The following PKD2 variants were observed in gnomAD, a reference collection of about 807,000 sequenced individuals.
PKD2 encodes polycystin 2, transient receptor potential cation channel, also known as polycystin-2.
In PKD2, 48 loss-of-function variants were observed where a neutral mutation model predicts 105.9. That is an observed-to-expected ratio of 0.45 (90% confidence interval 0.36 to 0.58). PKD2 has a LOEUF of 0.58. PKD2 is among the 20% of genes least tolerant of loss of function. The pLI is 0.00. For synonymous variants in PKD2, 464 were observed against 481.1 expected, an observed-to-expected ratio of 0.96 and a Z score of 0.46; for missense variants, 1,078 against 1,255.3, an observed-to-expected ratio of 0.86 and a Z score of 2.13.
At chr4:88,031,337 A>G (rs937938309) in intron 2 of PKD2, among the ~76,000 whole-genome samples, 7 of 152,254 alleles carry the variant, frequency 4.6e-5, no homozygotes, top group Non-Finnish European at 5.9e-5. Context: ...TAACTCTACT[A>G]TAAGTCAAGG....
At chr4:88,052,487 T>C (rs2728102) in intron 7 of PKD2, among the ~76,000 whole-genome samples, 48,224 of 151,752 alleles carry the variant, frequency 0.32, 11,681 homozygotes, top group African/African-American at 0.67. Context: ...CCAGGCTGGT[T>C]TTGAACTCCT....
chr4:88,061,598 T>A (rs947710045), intron 9 of PKD2, among the ~76,000 whole-genome samples: 4 of 151,928 alleles, frequency 2.6e-5, no homozygotes, highest in Non-Finnish European at 5.9e-5. Flanking sequence ...GTTAGCCAGG[T>A]GTAGTGGCAC....
At chr4:88,045,726 A>G (rs1189869415) in intron 5 of PKD2, among the ~76,000 whole-genome samples, 1 of 152,172 alleles carries the variant, frequency 6.6e-6, no homozygotes, top group Non-Finnish European at 1.5e-5. Context: ...ATCAGTATGG[A>G]TGTAAAATAG....
At chr4:88,075,148 A>C (rs1184137867) in intron 14 of PKD2, among the ~76,000 whole-genome samples, 189 bp downstream of exon 14, 1 of 152,232 alleles carries the variant, frequency 6.6e-6, no homozygotes, top group Non-Finnish European at 1.5e-5. Context: ...CACTCTTTCT[A>C]TAAAATCTCT....
intron 5 of PKD2, among the ~76,000 whole-genome samples, chr4:88,043,770 T>A (rs1727666866): frequency 2.0e-5 from 3 of 152,202 alleles, no homozygotes; most frequent in Non-Finnish European, 4.4e-5. Context: ...ATAAGGATGG[T>A]TAGTGCCACA....
chr4:88,058,923 A>G (rs1219848695), intron 9 of PKD2, among the ~76,000 whole-genome samples: 1 of 152,188 alleles, frequency 6.6e-6, no homozygotes, highest in Non-Finnish European at 1.5e-5. Flanking sequence ...AATATTTTTC[A>G]TCTAAACACT....
intron 2 of PKD2, among the ~76,000 whole-genome samples, chr4:88,032,432 G>C (rs749658780): frequency 2.0e-5 from 3 of 152,174 alleles, no homozygotes; most frequent in African/African-American, 4.8e-5. Context: ...CGGAGGCCGA[G>C]GTGGGCAGAT....
intron 2 of PKD2, among the ~76,000 whole-genome samples, chr4:88,031,857 C>A (rs1727166137): frequency 6.6e-6 from 1 of 152,164 alleles, no homozygotes. Context: ...GTTGAATCAT[C>A]ATGTATAGTA....
intron 7 of PKD2, among the ~76,000 whole-genome samples, chr4:88,053,656 C>CAA (rs10717181): frequency 2.5e-5 from 3 of 117,780 alleles, no homozygotes; most frequent in Admixed American, 8.7e-5. Flanking sequence ...GACCCTGTCT[C>CAA]AAAAAAAAAA....
chr4:88,017,027 A>G (rs1455782554), intron 1 of PKD2, among the ~76,000 whole-genome samples: 1 of 152,096 alleles, frequency 6.6e-6, no homozygotes, highest in Admixed American at 6.5e-5. Flanking sequence ...ATATCATATA[A>G]AAATATAAAT....
At chr4:88,054,146 C>T (rs557481198) in intron 7 of PKD2, among the ~76,000 whole-genome samples, 62 of 151,286 alleles carry the variant, frequency 4.1e-4, no homozygotes, top group Admixed American at 1.4e-3. Flanking sequence ...CAGTGGCTCA[C>T]GCACTTTGGG....
chr4:88,010,381 T>C (rs1399113968), intron 1 of PKD2, among the ~76,000 whole-genome samples: 2 of 152,236 alleles, frequency 1.3e-5, no homozygotes, highest in East Asian at 3.8e-4. Flanking sequence ...TAGCACCTAC[T>C]GTGAAGATAG....
chr4:88,069,723 T>C (rs1720942455), intron 13 of PKD2, among the ~76,000 whole-genome samples: 1 of 152,140 alleles, frequency 6.6e-6, no homozygotes, highest in Admixed American at 6.5e-5. Flanking sequence ...GAAGAGGAAG[T>C]ATATATTTAT....
chr4:88,061,560 A>T (rs1720571257), intron 9 of PKD2, among the ~76,000 whole-genome samples: 1 of 152,076 alleles, frequency 6.6e-6, no homozygotes, highest in African/African-American at 2.4e-5. Context: ...CAACGTGGTG[A>T]AACACTGTCT....
intron 2 of PKD2, among the ~76,000 whole-genome samples, chr4:88,035,784 A>C (rs1448894109): frequency 1.3e-5 from 2 of 152,168 alleles, no homozygotes; most frequent in Non-Finnish European, 2.9e-5. Flanking sequence ...TGCCCATGTT[A>C]TTGCAGGGAG....
At chr4:88,053,511 G>A (rs1185907732) in intron 7 of PKD2, among the ~76,000 whole-genome samples, 8 of 151,958 alleles carry the variant, frequency 5.3e-5, no homozygotes, top group Non-Finnish European at 1.5e-5. Context: ...ACAAAAATTA[G>A]CTGGGGGTGG....
At position 88,046,577 on chromosome 4, in the gene PKD2, T is replaced by TC. The variant is rs1405755702; in HGVS notation, c.1320-63dup. The TC allele has an allele frequency of 5.3e-6, 5 of 946,306 alleles. No individual in the cohort carries two copies. In the Admixed American group the frequency reaches 8.5e-5, roughly 16 times the overall value. The allele number at this position is 946,306 out of a possible 1,614,324, so 58.6% of individuals were successfully genotyped here. On this transcript the variant is annotated intron_variant, in intron 5 of 14. Coordinates refer to ENST00000237596, the MANE Select transcript of PKD2 (RefSeq NM_000297.4). ...AATGCATGAACAGAACAGATGGACA[T>TC]CCATTCCTGGCTGTATTCATGTGTT...
At position 88,040,154 on chromosome 4, in the gene PKD2, A is replaced by C. The variant is rs562223095; in HGVS notation, c.1094+1653A>C. Among the ~76,000 whole-genome samples, 292 of 152,332 alleles carry C rather than the reference A, an allele frequency of 1.9e-3. 2 individuals carry two copies. Among genetic ancestry groups the C allele is most frequent in the Non-Finnish European group, 2.9e-3 (198 of 68,024 alleles). ...TGAAAAAACTGAGGCTCACTTGCCC[A>C]AAGTGTCACAGCTAACAAATTGGAC... On this transcript the variant is annotated intron_variant, in intron 4 of 14. Coordinates refer to ENST00000237596, the MANE Select transcript of PKD2 (RefSeq NM_000297.4).
chr4:88,076,055 C>CA lies in PKD2; in HGVS notation c.*366dup, dbSNP rs1721223998. On this transcript the variant is annotated 3_prime_UTR_variant, in exon 15 of 15. Coordinates refer to ENST00000237596, the MANE Select transcript of PKD2 (RefSeq NM_000297.4). ...GGCTTCTGAGTTTCATTTCCAGTCA[C>CA]AAAAATCAGTATTGTTATTTTTTTC... The CA allele has an allele frequency of 4.0e-6, 1 of 250,444 alleles. No homozygotes were observed. The highest frequency in any genetic ancestry group is 5.1e-5 in the Admixed American group (1 of 19,604). The allele number at this position is 250,444 out of a possible 1,614,324, so 15.5% of individuals were successfully genotyped here.
Sources: allele counts gnomAD v4.1 joint callset (sites outside exome capture counted in the v4.1 genomes callset), GRCh38; gene constraint gnomAD v4.1.1; transcripts MANE v1.5; gene names NCBI Gene and HGNC (gene_info 2026-07-23, HGNC 2026-07-21).